The following MTRF1 variants were observed in gnomAD, a reference collection of about 807,000 sequenced individuals.
The protein encoded by MTRF1 is peptide chain release factor 1, mitochondrial.
MTRF1 carries 51 observed loss-of-function variants against 62.9 expected under a neutral mutation model. That is an observed-to-expected ratio of 0.81 (90% CI 0.65 to 1.02). The LOEUF is 1.02. Ranked by LOEUF, MTRF1 falls within the 50% of genes least tolerant of loss-of-function variation. MTRF1 has a pLI of 0.00. For synonymous variants in MTRF1, 158 were observed against 181.9 expected (o/e 0.87, Z 1.06); for missense variants, 446 against 530.0 (o/e 0.84, Z 1.56).
chr13:41,300,185 T>C, the MTRF1 span, among the ~76,000 whole-genome samples: 8,041 of 152,128 alleles, frequency 0.053, 283 homozygotes, highest in Non-Finnish European at 0.074. Context: ...AAGCATAGAG[T>C]TTATTTGAGC....
chr13:41,234,009 T>A lies in MTRF1; in HGVS notation c.871-2A>T, dbSNP rs754391338. 6.2e-7 allele frequency: 1 copy of A among 1,603,528 alleles called. No homozygotes were observed. The highest frequency in any genetic ancestry group is 8.5e-7 in the Non-Finnish European group (1 of 1,170,358). On this transcript the variant is annotated splice_acceptor_variant, in intron 6 of 9. Coordinates refer to ENST00000379480, the MANE Select transcript of MTRF1 (RefSeq NM_004294.4). LOFTEE classifies it high-confidence loss of function. ...CTTGGGGTCCAATTTCACATCCACCTAGAACAGAAGGCATGGCATAATTCT... is the reference window on the plus strand; with the variant it reads ...CTTGGGGTCCAATTTCACATCCACCAAGAACAGAAGGCATGGCATAATTCT...
At chr13:41,251,708 T>G (rs2039080062) in intron 5 of MTRF1, among the ~76,000 whole-genome samples, 1 of 152,184 alleles carries the variant, frequency 6.6e-6, no homozygotes, top group African/African-American at 2.4e-5. Context: ...TTTGATAGTT[T>G]GTGGTTTATT....
Position 41,249,609 on chromosome 13 carries a change from AT to A in MTRF1, c.697+3035del, listed in dbSNP as rs1364011606. Among the ~76,000 whole-genome samples, 302 of 84,588 alleles carry A rather than the reference AT, an allele frequency of 3.6e-3. 2 individuals carry two copies. Among genetic ancestry groups the A allele is most frequent in the African/African-American group, 0.013 (289 of 22,836 alleles). The allele number at this position is 84,588 out of a possible 152,430, so 55.5% of individuals were successfully genotyped here. A position where few individuals can be genotyped will look rare whatever the true frequency, so the allele number is the denominator to read the frequency against. On this transcript the variant is annotated intron_variant, in intron 5 of 9. Coordinates refer to ENST00000379480, the MANE Select transcript of MTRF1 (RefSeq NM_004294.4). The stretch of plus-strand genomic sequence containing the variant: ...AATAAAGGTTTATTCTTAGTCTTTG[AT>A]TTTTTTTTCTTTTTTTTTTTTTTTT...
intron 2 of MTRF1, among the ~76,000 whole-genome samples, chr13:41,255,526 T>C (rs907974761): frequency 2.6e-5 from 4 of 152,120 alleles, no homozygotes; most frequent in African/African-American, 9.7e-5. Flanking sequence ...ATCCCATCTC[T>C]ACTAAAAATG....
intron 2 of MTRF1, among the ~76,000 whole-genome samples, chr13:41,260,207 G>A (rs2040277915): frequency 6.6e-6 from 1 of 151,954 alleles, no homozygotes; most frequent in Non-Finnish European, 1.5e-5. Context: ...TGGCTCGGTG[G>A]CTATAATCAT....
chr13:41,236,382 G>A (rs905172470), intron 6 of MTRF1: 5 of 152,110 alleles, frequency 3.3e-5, no homozygotes, highest in Admixed American at 2.6e-4. Context: ...CCAAAGTGCT[G>A]GATTACAGGC....
chr13:41,271,830 C>T, the MTRF1 span, among the ~76,000 whole-genome samples: 6 of 151,978 alleles, frequency 3.9e-5, no homozygotes, highest in Admixed American at 6.6e-5. Flanking sequence ...TGAAAACAAC[C>T]GTTCATTTCC....
intron 9 of MTRF1, among the ~76,000 whole-genome samples, chr13:41,221,255 C>CA (rs1319930618): frequency 6.6e-6 from 1 of 151,350 alleles, no homozygotes; most frequent in Admixed American, 6.6e-5. Flanking sequence ...CTCCCGGGTT[C>CA]ATGCCATTCT....
intron 5 of MTRF1, 79 bp downstream of exon 5, chr13:41,252,566 G>A: frequency 8.9e-7 from 1 of 1,127,228 alleles, no homozygotes; most frequent in Non-Finnish European, 1.3e-6. Context: ...AAAAAAAATG[G>A]GACAATATGG....
intron 6 of MTRF1, among the ~76,000 whole-genome samples, chr13:41,239,362 C>T (rs988895709): frequency 5.3e-5 from 8 of 152,184 alleles, no homozygotes; most frequent in East Asian, 3.9e-4. Flanking sequence ...GTGCTTACAT[C>T]GGAGAATGCC....
At chr13:41,260,961 G>C (rs748790123) in intron 1 of MTRF1, 46 bp from the exon 2 acceptor site, 1 of 1,463,770 alleles carries the variant, frequency 6.8e-7, no homozygotes, top group East Asian at 2.3e-5. Context: ...CATCTCTAAA[G>C]ATACATGCAT....
intron 5 of MTRF1, among the ~76,000 whole-genome samples, chr13:41,250,837 T>C (rs938017487): frequency 1.3e-5 from 2 of 152,256 alleles, no homozygotes; most frequent in Admixed American, 6.5e-5. Context: ...CATTCATCAT[T>C]ATTCTTTCCA....
At position 41,223,171 on chromosome 13, in the gene MTRF1, T is replaced by C. The variant is rs528687636; in HGVS notation, c.1224+85A>G. ...TACTTGGTAATATTTTAGATATACT[T>C]GGTAATATCTACATATATGTTCTAG... On this transcript the variant is annotated intron_variant, in intron 9 of 9. Transcript: ENST00000379480. 3.3e-5 allele frequency: 26 copies of C among 794,062 alleles called. 1 individual carries two copies. The South Asian group carries it at 7.2e-4, about 22-fold the overall frequency. 49.2% of individuals were successfully genotyped at this position (794,062 alleles called of 1,614,324 possible). A position where few individuals can be genotyped will look rare whatever the true frequency, so the allele number is the denominator to read the frequency against.
chr13:41,245,337 G>A (rs2038103559), intron 5 of MTRF1, among the ~76,000 whole-genome samples: 1 of 151,498 alleles, frequency 6.6e-6, no homozygotes, highest in Admixed American at 6.6e-5. Context: ...TTGACCTCCT[G>A]GGCTCAAGCC....
rs1024241284 is a variant in MTRF1 at position 41,232,316 on chromosome 13, A to G, written c.988+1574T>C. On this transcript the variant is annotated intron_variant, in intron 7 of 9. Transcript: ENST00000379480. Reference sequence around the variant, plus strand: ...TTTTACAATCAGAAAAAAGGGTAGGAAAAAGAACTAAAAAACAAAGTGACA... The same window carrying G: ...TTTTACAATCAGAAAAAAGGGTAGGGAAAAGAACTAAAAAACAAAGTGACA... Among the ~76,000 whole-genome samples, 3 of 100,294 alleles carry G rather than the reference A, an allele frequency of 3.0e-5. No homozygotes were observed. The Admixed American group carries it at 3.3e-4, about 11-fold the overall frequency. The allele number at this position is 100,294 out of a possible 152,430, so 65.8% of individuals were successfully genotyped here.
chr13:41,275,446 C>T, the MTRF1 span, among the ~76,000 whole-genome samples: 2 of 150,682 alleles, frequency 1.3e-5, no homozygotes, highest in African/African-American at 4.9e-5. Flanking sequence ...GTGATCTGCC[C>T]GCCTCGGCCT....
At chr13:41,237,851 T>C (rs1005914239) in intron 6 of MTRF1, among the ~76,000 whole-genome samples, 1 of 152,184 alleles carries the variant, frequency 6.6e-6, no homozygotes, top group African/African-American at 2.4e-5. Flanking sequence ...TCTTAAACAT[T>C]ACTCAGTAGT....
chr13:41,251,120 G>A (rs927668985), intron 5 of MTRF1, among the ~76,000 whole-genome samples: 1 of 152,182 alleles, frequency 6.6e-6, no homozygotes, highest in East Asian at 1.9e-4. Context: ...AGGGTGTGAA[G>A]TTGTGCACAC....
chr13:41,232,733 G>A (rs1294260070), intron 7 of MTRF1, among the ~76,000 whole-genome samples: 1 of 152,076 alleles, frequency 6.6e-6, no homozygotes, highest in Non-Finnish European at 1.5e-5. Flanking sequence ...AGAGATGAAA[G>A]GAACTCCCCA....
Sources: gnomAD v4.1 joint callset for allele counts (sites outside exome capture counted in the v4.1 genomes callset) on GRCh38, gnomAD v4.1.1 for gene constraint, MANE v1.5 for transcripts, NCBI Gene and HGNC (gene_info 2026-07-23, HGNC 2026-07-21) for gene names.